Variants in ZNF774 observed in about 807,000 individuals in gnomAD.
ZNF774 encodes zinc finger protein 774.
In ZNF774, 14 loss-of-function variants were observed where a neutral mutation model predicts 11.1. The ratio of observed to expected loss-of-function variants is 1.26; its 90% CI spans 0.83 to 1.97. The LOEUF is 1.97. Among genes scored for constraint, ZNF774 ranks in the 30% most tolerant of loss-of-function variants. The pLI is 0.00. For missense variants in ZNF774, 599 were observed against 587.0 expected, an observed-to-expected ratio of 1.02 and a Z score of -0.21; for synonymous variants, 195 against 212.6, an observed-to-expected ratio of 0.92 and a Z score of 0.72.
rs1032895338 is a variant in ZNF774, at chr15:90,361,583, T to C, written c.*300T>C. 6 of 1,037,942 alleles carry C rather than the reference T, an allele frequency of 5.8e-6. No individual in the cohort carries two copies. The highest frequency in any genetic ancestry group is 7.1e-6 in the Non-Finnish European group (6 of 849,024). 64.3% of individuals were successfully genotyped at this position (1,037,942 alleles called of 1,614,324 possible). A position where few individuals can be genotyped will look rare whatever the true frequency, so the allele number is the denominator to read the frequency against. ...TCCCAGCACTTTTGGGAGGCCAAGGTGGGTGGATCACTTGAGGTCAGGAGT... is the reference window on the plus strand; with the variant it reads ...TCCCAGCACTTTTGGGAGGCCAAGGCGGGTGGATCACTTGAGGTCAGGAGT... On this transcript the variant is annotated 3_prime_UTR_variant, in exon 4 of 4. Transcript: ENST00000354377.
chr15:90,360,745 AT>A lies in ZNF774; in HGVS notation c.917del (p.Leu306Ter). On this transcript the variant is annotated frameshift_variant, in exon 4 of 4. Transcript: ENST00000354377. LOFTEE classifies it low-confidence loss of function (END_TRUNC). ...DCGESFSQSSDLIKHQRTHTG... is the reference protein window; with the variant it reads ...DCGESFSQSSXLIKHQRTHTG... Reference sequence around the variant, plus strand: ...GGGGAGAGTTTTAGCCAGAGCTCGGATTTGATTAAGCACCAACGAACCCACA... The same window carrying A: ...GGGGAGAGTTTTAGCCAGAGCTCGGATTGATTAAGCACCAACGAACCCACA... 1 of 1,614,184 alleles carries A rather than the reference AT, an allele frequency of 6.2e-7. No individual in the cohort carries two copies. Among genetic ancestry groups the A allele is most frequent in the South Asian group, 1.1e-5 (1 of 91,080 alleles).
intron 2 of ZNF774, among the ~76,000 whole-genome samples, chr15:90,356,747 G>C (rs148073184): frequency 3.4e-4 from 51 of 152,184 alleles, no homozygotes; most frequent in Admixed American, 2.8e-3. Context: ...TAACCACCTA[G>C]TATTTTGTTT....
intron 2 of ZNF774, among the ~76,000 whole-genome samples, chr15:90,357,536 A>G (rs1964264867): frequency 6.6e-6 from 1 of 152,192 alleles, no homozygotes; most frequent in Admixed American, 6.6e-5. Flanking sequence ...AAACACAAAA[A>G]AAGAGTCTGG....
In ZNF774 at chr15:90,361,202, A is replaced by G. The variant is rs1309228186; in HGVS notation, c.1371A>G (p.Lys457=). The change falls in exon 4 of 4, where the codon AAA becomes AAG. Residue 457 remains lysine, a synonymous_variant. Coordinates refer to ENST00000354377, the MANE Select transcript of ZNF774 (RefSeq NM_001004309.3). ...LTHQRTHTGE[K]PFHCSKCNKS... ...ACCAGAGAACGCATACAGGAGAAAA[A>G]CCTTTCCACTGTAGTAAATGTAACA... The G allele has an allele frequency of 6.2e-7, 1 of 1,614,040 alleles. No individual in the cohort carries two copies. The highest frequency in any genetic ancestry group is 8.5e-7 in the Non-Finnish European group (1 of 1,179,994).
intron 2 of ZNF774, among the ~76,000 whole-genome samples, chr15:90,356,977 T>G (rs1964257690): frequency 1.3e-5 from 2 of 151,428 alleles, no homozygotes; most frequent in South Asian, 4.1e-4. Context: ...CAGGTTGTGA[T>G]AAACATCTTT....
intron 2 of ZNF774, 60 bp from the exon 3 acceptor site, chr15:90,358,791 T>A: frequency 6.9e-7 from 1 of 1,442,142 alleles, no homozygotes; most frequent in Non-Finnish European, 9.7e-7. Flanking sequence ...GGGCTTGGAT[T>A]TTGCTCAGGC....
chr15:90,361,173 A>G lies in ZNF774; in HGVS notation c.1342A>G (p.Thr448Ala). ...KTFNQRSHFL[T>A]HQRTHTGEKP... ...CTTCAATCAGCGTTCCCATTTCCTC[A>G]CACACCAGAGAACGCATACAGGAGA... The change falls in exon 4 of 4, where the codon ACA becomes GCA. Residue 448 changes from threonine (T) to alanine (A), a missense_variant. Physicochemically the swap from Thr to Ala is moderately conservative, Grantham distance 58. Coordinates refer to ENST00000354377, the MANE Select transcript of ZNF774 (RefSeq NM_001004309.3). 6.2e-7 allele frequency: 1 copy of G among 1,614,144 alleles called. No homozygotes were observed. Among genetic ancestry groups the G allele is most frequent in the Non-Finnish European group, 8.5e-7 (1 of 1,180,020 alleles).
chr15:90,355,529 C>G, intron 2 of ZNF774: 1 of 429,140 alleles, frequency 2.3e-6, no homozygotes, highest in South Asian at 1.6e-5. Context: ...TCGAGACCAG[C>G]CTGGCCAACA....
rs796804549 is a variant in ZNF774 at position 90,362,287 on chromosome 15, C to G, written c.*1004C>G. On this transcript the variant is annotated 3_prime_UTR_variant, in exon 4 of 4. Transcript: ENST00000354377. ...GGAGGCTGAAAGAATTTCAGAAGCT[C>G]TTTTAAATGGCAGTGTATGGCAGTG... 3.0e-5 allele frequency: 12 copies of G among 400,606 alleles called. No individual in the cohort carries two copies. Among genetic ancestry groups the G allele is most frequent in the African/African-American group, 2.2e-4 (11 of 50,472 alleles). 24.8% of individuals were successfully genotyped at this position (400,606 alleles called of 1,614,324 possible).
Position 90,361,243 on chromosome 15 carries a change from A to G in ZNF774, c.1412A>G (p.Lys471Arg). 1 of 1,611,170 alleles carries G rather than the reference A, an allele frequency of 6.2e-7. No individual in the cohort carries two copies. Among genetic ancestry groups the G allele is most frequent in the Non-Finnish European group, 8.5e-7 (1 of 1,178,324 alleles). ...AAATGTAACAAGAGCTTCCGTCAGA[A>G]AGCGCATCTTTTATGCCATCAAAAC... ...CSKCNKSFRQ[K>R]AHLLCHQNTH... The change falls in exon 4 of 4, where the codon AAA (lysine) becomes AGA (arginine). Residue 471 changes from lysine (K) to arginine (R), a missense_variant. Coordinates refer to ENST00000354377, the MANE Select transcript of ZNF774 (RefSeq NM_001004309.3).
intron 2 of ZNF774, 59 bp downstream of exon 2, chr15:90,354,823 C>A: frequency 7.2e-7 from 1 of 1,384,890 alleles, no homozygotes; most frequent in Non-Finnish European, 1.0e-6. Flanking sequence ...GAGACGGGGT[C>A]TCGCTCTGTC....
chr15:90,362,776 CACACACACACTT>C lies in ZNF774; in HGVS notation c.*1494_*1505del. ...ACACACACACACACACACACACACA[CACACACACACTT>C]TGTTGGTTAACTATAAATGTAATAT... On this transcript the variant is annotated 3_prime_UTR_variant, in exon 4 of 4. Coordinates refer to ENST00000354377, the MANE Select transcript of ZNF774 (RefSeq NM_001004309.3). 1 of 554,556 alleles carries C rather than the reference CACACACACACTT, an allele frequency of 1.8e-6. No homozygotes were observed. Among genetic ancestry groups the C allele is most frequent in the South Asian group, 2.4e-5 (1 of 41,910 alleles). The allele number at this position is 554,556 out of a possible 1,614,324, so 34.4% of individuals were successfully genotyped here. A position where few individuals can be genotyped will look rare whatever the true frequency, so the allele number is the denominator to read the frequency against.
At position 90,360,057 on chromosome 15, in the gene ZNF774, G is replaced by C; in HGVS notation, c.226G>C (p.Val76Leu). ...RESHTDCEHQ[V>L]AKLNQDNSET... ...TAATTTTTCAGACTGTGAGCATCAG[G>C]TGGCAAAGCTCAATCAGGACAATTC... The change falls in exon 4 of 4, where the codon GTG becomes CTG. Residue 76 changes from valine (V) to leucine (L), a missense_variant. Val to Leu is a conservative substitution (Grantham distance 32, BLOSUM62 1). Transcript: ENST00000354377. 1 of 1,604,184 alleles carries C rather than the reference G, an allele frequency of 6.2e-7. No homozygotes were observed. The highest frequency in any genetic ancestry group is 1.3e-5 in the African/African-American group (1 of 74,582).
rs766543491 is a variant in ZNF774 at position 90,360,269 on chromosome 15, T to C, written c.438T>C (p.Tyr146=). 2 of 1,614,196 alleles carry C rather than the reference T, an allele frequency of 1.2e-6. No homozygotes were observed. Among genetic ancestry groups the C allele is most frequent in the South Asian group, 2.2e-5 (2 of 91,088 alleles). ...ERDLNKLLDG[Y]VGEKPMCAEC... ...ATTTAAACAAGCTCCTGGATGGATATGTAGGAGAGAAGCCTATGTGTGCAG... is the reference window on the plus strand; with the variant it reads ...ATTTAAACAAGCTCCTGGATGGATACGTAGGAGAGAAGCCTATGTGTGCAG... The change falls in exon 4 of 4, where the codon TAT becomes TAC. Residue 146 remains tyrosine, a synonymous_variant. Transcript: ENST00000354377.
intron 1 of ZNF774, among the ~76,000 whole-genome samples, chr15:90,353,835 G>A (rs1964207429): frequency 6.6e-6 from 1 of 151,940 alleles, no homozygotes; most frequent in Non-Finnish European, 1.5e-5. Flanking sequence ...ACTTTTTAAG[G>A]GAAAAAACAT....
Position 90,361,627 on chromosome 15 carries a change from C to A in ZNF774, c.*344C>A. 2 of 654,564 alleles carry A rather than the reference C, an allele frequency of 3.1e-6. No homozygotes were observed. The highest frequency in any genetic ancestry group is 3.9e-6 in the Non-Finnish European group (2 of 516,162). The allele number at this position is 654,564 out of a possible 1,614,324, so 40.5% of individuals were successfully genotyped here. A position where few individuals can be genotyped will look rare whatever the true frequency, so the allele number is the denominator to read the frequency against. Reference sequence around the variant, plus strand: ...CAGGAGTTGAGACCAGCCTGGTGAGCATGGTGAAACCTCATCTCTACTAAA... The same window carrying A: ...CAGGAGTTGAGACCAGCCTGGTGAGAATGGTGAAACCTCATCTCTACTAAA... On this transcript the variant is annotated 3_prime_UTR_variant, in exon 4 of 4. Transcript: ENST00000354377.
rs1964348674 is a variant in ZNF774 at position 90,362,379 on chromosome 15, C to G, written c.*1096C>G. Reference sequence around the variant, plus strand: ...TCCTACAATGAACAAGCCAGAGGGACCTGGTAGAGGACTATAAAATTGTGG... The same window carrying G: ...TCCTACAATGAACAAGCCAGAGGGAGCTGGTAGAGGACTATAAAATTGTGG... On this transcript the variant is annotated 3_prime_UTR_variant, in exon 4 of 4. Coordinates refer to ENST00000354377, the MANE Select transcript of ZNF774 (RefSeq NM_001004309.3). 1 of 621,560 alleles carries G rather than the reference C, an allele frequency of 1.6e-6. No homozygotes were observed. Among genetic ancestry groups the G allele is most frequent in the Non-Finnish European group, 2.8e-6 (1 of 351,738 alleles). The allele number at this position is 621,560 out of a possible 1,614,324, so 38.5% of individuals were successfully genotyped here.
At chr15:90,358,698 C>G (rs917753985) in intron 2 of ZNF774, among the ~76,000 whole-genome samples, 153 bp from the exon 3 acceptor site, 3 of 152,150 alleles carry the variant, frequency 2.0e-5, no homozygotes, top group Non-Finnish European at 2.9e-5. Flanking sequence ...TGTTTTATCA[C>G]TGTACCATGG....
Position 90,362,382 on chromosome 15 carries a change from G to C in ZNF774, c.*1099G>C, listed in dbSNP as rs1041992317. The C allele has an allele frequency of 3.6e-5, 23 of 638,584 alleles. No individual in the cohort carries two copies. The highest frequency in any genetic ancestry group is 3.5e-4 in the African/African-American group (19 of 55,052). 39.6% of individuals were successfully genotyped at this position (638,584 alleles called of 1,614,324 possible). On this transcript the variant is annotated 3_prime_UTR_variant, in exon 4 of 4. Transcript: ENST00000354377. ...TACAATGAACAAGCCAGAGGGACCT[G>C]GTAGAGGACTATAAAATTGTGGAAG...
Sources: gnomAD v4.1 joint callset for allele counts (sites outside exome capture counted in the v4.1 genomes callset) on GRCh38, gnomAD v4.1.1 for gene constraint, MANE v1.5 for transcripts, NCBI Gene and HGNC (gene_info 2026-07-23, HGNC 2026-07-21) for gene names.